Variants in LCA5 observed in about 807,000 individuals in gnomAD.
LCA5 encodes lebercilin LCA5, also known as lebercilin.
LCA5 carries 37 observed loss-of-function variants against 53.0 expected under a neutral mutation model. The ratio of observed to expected loss-of-function variants is 0.70; its 90% CI spans 0.54 to 0.92. The LOEUF (loss-of-function observed/expected upper bound fraction) is 0.92, where lower values mean the gene tolerates loss of function less well. LCA5 is among the 40% of genes least tolerant of loss of function. The pLI, the probability that LCA5 is intolerant of heterozygous loss-of-function variation, is 0.00. For missense variants in LCA5, 806 were observed against 790.5 expected (o/e 1.02, Z -0.23); for synonymous variants, 303 against 282.9 (o/e 1.07, Z -0.71).
intron 1 of LCA5, among the ~76,000 whole-genome samples, chr6:79,535,693 G>C (rs1304696234): frequency 6.6e-6 from 1 of 152,120 alleles, no homozygotes; most frequent in Non-Finnish European, 1.5e-5. Flanking sequence ...AGCTACAAAA[G>C]TTTGACAGTA....
chr6:79,487,517 G>A lies in LCA5; in HGVS notation c.1581C>T (p.Ile527=), dbSNP rs760574956. Residue 527 remains isoleucine (I), a synonymous_variant, in exon 8 of 8, where the codon ATC becomes ATT. Transcript: ENST00000369846. ...RLFNGHHLQD[I]SFSTPKGEGQ... is the part of the protein sequence containing the mutation. ...CTTCTCCTTTTGGAGTTGAGAAACT[G>A]ATGTCTTGCAAATGATGCCCATTAA... is the stretch of plus-strand genomic sequence containing the variant. 1.9e-6 allele frequency: 3 copies of A among 1,614,056 alleles called. No individual in the cohort carries two copies. Among genetic ancestry groups the A allele is most frequent in the Admixed American group, 1.7e-5 (1 of 60,008 alleles).
At chr6:79,507,052 A>T (rs979088654) in intron 3 of LCA5, among the ~76,000 whole-genome samples, 2 of 152,186 alleles carry the variant, frequency 1.3e-5, no homozygotes, top group Non-Finnish European at 2.9e-5. Context: ...ATATCCAGTT[A>T]CCTGAAAAGG....
upstream of LCA5, among the ~76,000 whole-genome samples, chr6:79,537,786 T>G (rs1767201062): frequency 6.6e-6 from 1 of 152,128 alleles, no homozygotes; most frequent in Non-Finnish European, 1.5e-5. Context: ...TAGATTTCCT[T>G]TGGGAAATAA....
intron 3 of LCA5, among the ~76,000 whole-genome samples, chr6:79,510,526 G>A (rs1008702847): frequency 6.6e-6 from 1 of 152,078 alleles, no homozygotes; most frequent in Admixed American, 6.6e-5. Context: ...AAGACAATAG[G>A]GATAGGTGAC....
chr6:79,487,198 T>G lies in LCA5; in HGVS notation c.1900A>C (p.Ile634Leu). The change falls in exon 8 of 8, where the codon ATT (isoleucine) becomes CTT (leucine). Residue 634 changes from isoleucine to leucine, a missense_variant. Ile to Leu is a conservative substitution (Grantham distance 5). Coordinates refer to ENST00000369846, the MANE Select transcript of LCA5 (RefSeq NM_001122769.3). ...PNSVASSKGD[I>L]DPLNFLPGNK... ...CCAGGGAGAAAATTTAGAGGGTCAA[T>G]GTCTCCTTTACTGGAAGCCACAGAA... is the stretch of plus-strand genomic sequence containing the variant. 1 of 1,614,052 alleles carries G rather than the reference T, an allele frequency of 6.2e-7. No homozygotes were observed. The highest frequency in any genetic ancestry group is 8.5e-7 in the Non-Finnish European group (1 of 1,179,922).
chr6:79,516,634 CTTT>C (rs1766446258), intron 2 of LCA5, among the ~76,000 whole-genome samples: 1 of 151,762 alleles, frequency 6.6e-6, no homozygotes, highest in Non-Finnish European at 1.5e-5. Flanking sequence ...TTTCATCTAC[CTTT>C]TTATTTTCAT....
chr6:79,488,194 C>T (rs1049307314), intron 7 of LCA5: 3 of 219,774 alleles, frequency 1.4e-5, no homozygotes, highest in African/African-American at 4.6e-5. Flanking sequence ...AAAGACTCTA[C>T]ACTTAAAAAT....
At chr6:79,530,708 T>C (rs1477916850) in intron 1 of LCA5, among the ~76,000 whole-genome samples, 1 of 152,078 alleles carries the variant, frequency 6.6e-6, no homozygotes, top group Non-Finnish European at 1.5e-5. Flanking sequence ...TTAACTTTCC[T>C]AGAGAATGGA....
chr6:79,497,956 C>CAA lies in LCA5; in HGVS notation c.721-4208_721-4207dup, dbSNP rs34167121. On this transcript the variant is annotated intron_variant, in intron 3 of 7. Coordinates refer to ENST00000369846, the MANE Select transcript of LCA5 (RefSeq NM_001122769.3). ...TGGGCGACAGAGTGAGACTCCATCT[C>CAA]AAAAAAAAAAAAAAAAAGAAAGATA... 9.9e-3 allele frequency among the ~76,000 whole-genome samples: 920 copies of CAA among 92,686 alleles called. 18 individuals are homozygous for CAA. Among genetic ancestry groups the CAA allele is most frequent in the African/African-American group, 0.031 (814 of 26,382 alleles). The allele number at this position is 92,686 out of a possible 152,430, so 60.8% of individuals were successfully genotyped here.
intron 3 of LCA5, among the ~76,000 whole-genome samples, chr6:79,498,391 C>T (rs955106077): frequency 6.6e-6 from 1 of 151,972 alleles, no homozygotes; most frequent in African/African-American, 2.4e-5. Flanking sequence ...CTATCCCCCC[C>T]TAGATATTTT....
rs1770336886 is a variant in LCA5 at position 79,508,872 on chromosome 6, TA to T, written c.720+4339del. 3.9e-5 allele frequency among the ~76,000 whole-genome samples: 6 copies of T among 152,262 alleles called. No homozygotes were observed. In the South Asian group the frequency reaches 1.2e-3, roughly 32 times the overall value. On this transcript the variant is annotated intron_variant, in intron 3 of 7. Coordinates refer to ENST00000369846, the MANE Select transcript of LCA5 (RefSeq NM_001122769.3). ...AAAGGATCAATAGTGTTGGCTGAAG[TA>T]AAATTTGAAAAATAAAATAAGGCAC...
intron 1 of LCA5, among the ~76,000 whole-genome samples, chr6:79,520,948 G>A (rs903441332): frequency 9.2e-5 from 14 of 152,112 alleles, no homozygotes; most frequent in Admixed American, 8.5e-4. Flanking sequence ...AAATGGGTTC[G>A]CTAGGGTAGG....
At chr6:79,510,092 T>C (rs1356198556) in intron 3 of LCA5, among the ~76,000 whole-genome samples, 1 of 152,180 alleles carries the variant, frequency 6.6e-6, no homozygotes, top group Non-Finnish European at 1.5e-5. Flanking sequence ...TCAGTCTCTC[T>C]AATGTTAAGG....
At chr6:79,522,176 G>A (rs1766643931) in intron 1 of LCA5, among the ~76,000 whole-genome samples, 1 of 151,936 alleles carries the variant, frequency 6.6e-6, no homozygotes, top group Admixed American at 6.5e-5. Flanking sequence ...AATATTAGAT[G>A]GGGGGAAGTA....
At chr6:79,503,376 A>G (rs1293054225) in intron 3 of LCA5, among the ~76,000 whole-genome samples, 1 of 152,154 alleles carries the variant, frequency 6.6e-6, no homozygotes, top group Non-Finnish European at 1.5e-5. Context: ...AGAACAATTC[A>G]GTTTTATCTG....
intron 3 of LCA5, among the ~76,000 whole-genome samples, chr6:79,507,427 T>C (rs895925747): frequency 2.0e-5 from 3 of 151,790 alleles, no homozygotes; most frequent in Non-Finnish European, 4.4e-5. Context: ...TTTAAGAGAG[T>C]ATAAAGGGGT....
chr6:79,533,400 C>T (rs1410005395), intron 1 of LCA5, among the ~76,000 whole-genome samples: 6 of 151,290 alleles, frequency 4.0e-5, no homozygotes, highest in Non-Finnish European at 7.4e-5. Context: ...AGTTCCCTCT[C>T]GATGCTAATC....
chr6:79,517,252 T>A (rs187839248), intron 2 of LCA5, among the ~76,000 whole-genome samples: 34 of 152,146 alleles, frequency 2.2e-4, no homozygotes, highest in Admixed American at 2.0e-3. Context: ...ATAATTGAAA[T>A]TTTCTGGCTG....
chr6:79,526,403 G>A (rs1175055258), intron 1 of LCA5, among the ~76,000 whole-genome samples: 28 of 152,084 alleles, frequency 1.8e-4, no homozygotes, highest in Admixed American at 1.8e-3. Flanking sequence ...AATTAGCTGG[G>A]CGAGGTGGCG....
Sources: gnomAD v4.1 joint callset for allele counts (sites outside exome capture counted in the v4.1 genomes callset) on GRCh38, gnomAD v4.1.1 for gene constraint, MANE v1.5 for transcripts, NCBI Gene and HGNC (gene_info 2026-07-23, HGNC 2026-07-21) for gene names.